NECTIN2: variants seen among roughly 807,000 people sequenced by gnomAD.
NECTIN2 encodes nectin cell adhesion molecule 2, also known as nectin-2.
Under a neutral mutation model 56.9 loss-of-function variants are expected in NECTIN2, and 23 were observed. The ratio of observed to expected loss-of-function variants is 0.40; its 90% CI spans 0.29 to 0.57. NECTIN2 has a LOEUF of 0.57. NECTIN2 is among the 20% of genes least tolerant of loss of function. The pLI is 0.38. For synonymous variants in NECTIN2, 302 were observed against 313.8 expected, an observed-to-expected ratio of 0.96 and a Z score of 0.40; for missense variants, 587 against 718.3, an observed-to-expected ratio of 0.82 and a Z score of 2.09.
chr19:44,868,217 G>T (rs891449646), intron 2 of NECTIN2, among the ~76,000 whole-genome samples: 2 of 151,446 alleles, frequency 1.3e-5, no homozygotes, highest in African/African-American at 4.9e-5. Context: ...AAAAAAATTA[G>T]CTGGGCATGG....
At position 44,871,839 on chromosome 19, in the gene NECTIN2, C is replaced by G; in HGVS notation, c.479-14C>G. The G allele has an allele frequency of 6.2e-7, 1 of 1,607,382 alleles. No individual in the cohort carries two copies. The highest frequency in any genetic ancestry group is 8.5e-7 in the Non-Finnish European group (1 of 1,174,468). ...CGGTGAGGAGTGACGCACCCCCTCT[C>G]CTCCTCTCCCCAGCCAAGCCCAAGA... On this transcript the variant is annotated splice_polypyrimidine_tract_variant and intron_variant, in intron 2 of 8. Coordinates refer to ENST00000252483, the MANE Select transcript of NECTIN2 (RefSeq NM_001042724.2).
rs1969392412 is a variant in NECTIN2 at position 44,889,062 on chromosome 19, T to C, written c.*683T>C. 1 of 150,386 alleles carries C rather than the reference T, an allele frequency of 6.6e-6. No homozygotes were observed. The highest frequency in any genetic ancestry group is 1.5e-5 in the Non-Finnish European group (1 of 67,890). The allele number at this position is 150,386 out of a possible 1,614,324, so 9.3% of individuals were successfully genotyped here. A position where few individuals can be genotyped will look rare whatever the true frequency, so the allele number is the denominator to read the frequency against. On this transcript the variant is annotated 3_prime_UTR_variant, in exon 9 of 9. Coordinates refer to ENST00000252483, the MANE Select transcript of NECTIN2 (RefSeq NM_001042724.2). Reference sequence around the variant, plus strand: ...GATGGCCCCAGCCTTGGGAGAAGAATTTACTGTTAACCTGGAAGACTACTG... The same window carrying C: ...GATGGCCCCAGCCTTGGGAGAAGAACTTACTGTTAACCTGGAAGACTACTG...
intron 6 of NECTIN2, among the ~76,000 whole-genome samples, chr19:44,883,542 T>C (rs1204929255): frequency 6.6e-6 from 1 of 152,186 alleles, no homozygotes; most frequent in African/African-American, 2.4e-5. Flanking sequence ...CCCAAAGTGC[T>C]AAGATCACAA....
intron 6 of NECTIN2, among the ~76,000 whole-genome samples, chr19:44,882,823 C>T (rs986647398): frequency 1.4e-5 from 2 of 147,592 alleles, no homozygotes; most frequent in Admixed American, 6.8e-5. Flanking sequence ...ACTCTGTCAC[C>T]GAGGCTGGAA....
rs1969388160 is a variant in NECTIN2 at position 44,888,700 on chromosome 19, C to T, written c.*321C>T. 2.9e-6 allele frequency: 1 copy of T among 348,986 alleles called. No homozygotes were observed. The highest frequency in any genetic ancestry group is 5.3e-6 in the Non-Finnish European group (1 of 187,336). 21.6% of individuals were successfully genotyped at this position (348,986 alleles called of 1,614,324 possible). A position where few individuals can be genotyped will look rare whatever the true frequency, so the allele number is the denominator to read the frequency against. On this transcript the variant is annotated 3_prime_UTR_variant, in exon 9 of 9. Transcript: ENST00000252483. ...TCTCACCCCCCAATGCCTCGACTCC[C>T]CCAAAATCACAAAGAAGACCCTAGA...
rs145654351 is a variant in NECTIN2, at chr19:44,888,197, C to T, written c.1435C>T (p.Pro479Ser). The T allele has an allele frequency of 9.9e-4, 1,599 of 1,614,168 alleles. 10 individuals carry two copies. The African/African-American group carries it at 0.016, about 17-fold the overall frequency. ...AGCCACAAGCCTGGGGTCCCCCATC[C>T]CGGTGCCTCCAGGGCCACCTGCTGT... is the stretch of plus-strand genomic sequence containing the variant. ...PGATSLGSPI[P>S]VPPGPPAVED... Residue 479 changes from proline (P) to serine (S), a missense_variant, in exon 9 of 9, where the codon CCG becomes TCG. Physicochemically the swap from Pro to Ser is moderately conservative, Grantham distance 74. Transcript: ENST00000252483.
At chr19:44,854,684 A>G (rs1318204412) in intron 1 of NECTIN2, among the ~76,000 whole-genome samples, 1 of 152,002 alleles carries the variant, frequency 6.6e-6, no homozygotes, top group Non-Finnish European at 1.5e-5. Flanking sequence ...ATGGTGGTAC[A>G]TGCCTGTAAT....
Position 44,886,182 on chromosome 19 carries a change from C to T in NECTIN2, c.1310C>T (p.Thr437Ile). 2 of 1,612,844 alleles carry T rather than the reference C, an allele frequency of 1.2e-6. No individual in the cohort carries two copies. Among genetic ancestry groups the T allele is most frequent in the East Asian group, 2.2e-5 (1 of 44,888 alleles). Reference sequence around the variant, plus strand: ...GCCTCGGAGCACAGCCCACTCAAGACCCCCTACTTTGATGCTGGCGCCTCA... The same window carrying T: ...GCCTCGGAGCACAGCCCACTCAAGATCCCCTACTTTGATGCTGGCGCCTCA... ...LGASEHSPLK[T>I]PYFDAGASCT... Residue 437 changes from threonine to isoleucine, a missense_variant, in exon 8 of 9, where the codon ACC becomes ATC. Transcript: ENST00000252483.
chr19:44,881,080 C>T (rs113695972), intron 5 of NECTIN2, among the ~76,000 whole-genome samples: 2 of 118,522 alleles, frequency 1.7e-5, no homozygotes, highest in Admixed American at 9.6e-5. Context: ...GGCTAGCCCC[C>T]GGCTAATTTT....
chr19:44,888,538 C>A lies in NECTIN2; in HGVS notation c.*159C>A. 1.3e-6 allele frequency: 1 copy of A among 754,756 alleles called. No homozygotes were observed. The highest frequency in any genetic ancestry group is 2.1e-6 in the Non-Finnish European group (1 of 472,112). The allele number at this position is 754,756 out of a possible 1,614,324, so 46.8% of individuals were successfully genotyped here. A position where few individuals can be genotyped will look rare whatever the true frequency, so the allele number is the denominator to read the frequency against. ...TGGTGGCTCCACTATGACCCCTAAC[C>A]CATGAGCCCAGAGAAATTCACCGTG... On this transcript the variant is annotated 3_prime_UTR_variant, in exon 9 of 9. Transcript: ENST00000252483.
chr19:44,846,567 G>T lies in NECTIN2; in HGVS notation c.42G>T (p.Pro14=). 6.6e-7 allele frequency: 1 copy of T among 1,523,430 alleles called. No homozygotes were observed. Among genetic ancestry groups the T allele is most frequent in the South Asian group, 1.2e-5 (1 of 83,170 alleles). The allele number at this position is 1,523,430 out of a possible 1,614,324, so 94.4% of individuals were successfully genotyped here. The part of the protein sequence containing the change: ...AAALLPSRSP[P]TPLLWPLLLL... Reference sequence around the variant, plus strand: ...CCCTCCTGCCGTCGAGATCGCCGCCGACGCCGCTGCTGTGGCCGCTGCTGC... The same window carrying T: ...CCCTCCTGCCGTCGAGATCGCCGCCTACGCCGCTGCTGTGGCCGCTGCTGC... Residue 14 remains proline, a synonymous_variant, in exon 1 of 9, where the codon CCG becomes CCT. Transcript: ENST00000252483.
chr19:44,852,029 G>A (rs538563924), intron 1 of NECTIN2, among the ~76,000 whole-genome samples: 1 of 151,930 alleles, frequency 6.6e-6, no homozygotes, highest in Admixed American at 6.6e-5. Context: ...TTCCAATCTC[G>A]CCATCCTCCG....
Position 44,873,898 on chromosome 19 carries a change from TC to T in NECTIN2, c.776-12del, listed in dbSNP as rs759159786. 4.5e-6 allele frequency: 7 copies of T among 1,572,986 alleles called. No homozygotes were observed. Among genetic ancestry groups the T allele is most frequent in the Non-Finnish European group, 6.1e-6 (7 of 1,143,678 alleles). ...GGGATTCTCCTCCTTGCTGATCCAGTCCCCCCATTTCCCCCAGACCCTCCTG... is the reference window on the plus strand; with the variant it reads ...GGGATTCTCCTCCTTGCTGATCCAGTCCCCCATTTCCCCCAGACCCTCCTG... On this transcript the variant is annotated splice_polypyrimidine_tract_variant and intron_variant, in intron 3 of 8. Transcript: ENST00000252483.
chr19:44,870,750 G>A (rs1969165054), intron 2 of NECTIN2, among the ~76,000 whole-genome samples: 2 of 146,104 alleles, frequency 1.4e-5, no homozygotes, highest in South Asian at 4.3e-4. Flanking sequence ...TTTTCTTTTG[G>A]AGACAGAGTC....
At chr19:44,861,612 C>T (rs1247218027) in intron 1 of NECTIN2, among the ~76,000 whole-genome samples, 5 of 152,080 alleles carry the variant, frequency 3.3e-5, no homozygotes, top group African/African-American at 1.2e-4. Context: ...ATCCATCTGA[C>T]AAAGGTCTAA....
At chr19:44,851,245 T>C (rs1293064334) in intron 1 of NECTIN2, among the ~76,000 whole-genome samples, 3 of 111,278 alleles carry the variant, frequency 2.7e-5, no homozygotes, top group Non-Finnish European at 3.7e-5. Context: ...GCCCCCATCC[T>C]TCCCCTCTCA....
intron 3 of NECTIN2, among the ~76,000 whole-genome samples, chr19:44,872,959 C>T (rs1332279361): frequency 6.7e-6 from 1 of 149,922 alleles, no homozygotes; most frequent in Non-Finnish European, 1.5e-5. Context: ...CCCCCGGGCC[C>T]TGTTGATCCT....
intron 1 of NECTIN2, among the ~76,000 whole-genome samples, chr19:44,848,230 G>T (rs1006149560): frequency 6.6e-6 from 1 of 152,154 alleles, no homozygotes; most frequent in African/African-American, 2.4e-5. Flanking sequence ...ACCTCTGGGT[G>T]AATTCTCCGA....
chr19:44,874,522 C>G lies in NECTIN2; in HGVS notation c.1042+44C>G, dbSNP rs1376077643. On this transcript the variant is annotated intron_variant, in intron 5 of 8. Coordinates refer to ENST00000252483, the MANE Select transcript of NECTIN2 (RefSeq NM_001042724.2). The surrounding 1 kb of genome is among the most constrained non-coding windows in gnomAD (Gnocchi z 6.3). ...CCGTGTGTGGAGACCTGGGTCCGCT[C>G]CCCTGGAGTTCTGCCCTTCAGGACT... is the stretch of plus-strand genomic sequence containing the variant. The G allele has an allele frequency of 1.7e-5, 27 of 1,605,096 alleles. No individual in the cohort carries two copies. The highest frequency in any genetic ancestry group is 2.3e-5 in the Non-Finnish European group (27 of 1,178,694).
Sources: allele counts gnomAD v4.1 joint callset (sites outside exome capture counted in the v4.1 genomes callset), GRCh38; gene constraint gnomAD v4.1.1; non-coding constraint Gnocchi (gnomAD v3.1); transcripts MANE v1.5; gene names NCBI Gene and HGNC (gene_info 2026-07-23, HGNC 2026-07-21).